LINGO2: variants seen among roughly 807,000 people sequenced by gnomAD.
LINGO2 encodes the protein leucine rich repeat and Ig domain containing 2.
In LINGO2, 14 loss-of-function variants were observed where a neutral mutation model predicts 30.6. The observed-to-expected ratio is 0.46, with a 90% CI of 0.30 to 0.72. The LOEUF is 0.72. Ranked by LOEUF, LINGO2 falls within the 30% of genes least tolerant of loss-of-function variation. The pLI, the probability that LINGO2 is intolerant of heterozygous loss-of-function variation, is 0.07. For missense variants in LINGO2, 729 were observed against 751.7 expected (o/e 0.97, Z 0.35); for synonymous variants, 317 against 288.5 (o/e 1.10, Z -1.00).
rs78910132 is a variant in LINGO2 at position 28,457,214 on chromosome 9, G to C, written c.-279+18726C>G. Among the ~76,000 whole-genome samples, 62 of 152,270 alleles carry C rather than the reference G, an allele frequency of 4.1e-4. No homozygotes were observed. In the East Asian group the frequency reaches 0.012, roughly 28 times the overall value. On this transcript the variant is annotated intron_variant, in intron 2 of 5. Transcript: ENST00000379992. ...ATGTTCATGAGCTCTGTGTATGACA[G>C]TCTTCTTGCATAAGCACAGAATCTT...
the LINGO2 span, among the ~76,000 whole-genome samples, chr9:28,838,440 C>T: frequency 1.0e-3 from 158 of 152,194 alleles, no homozygotes; most frequent in Non-Finnish European, 1.7e-3. Flanking sequence ...GAATATGTTA[C>T]GTATTGAATA....
chr9:28,754,657 G>A, the LINGO2 span, among the ~76,000 whole-genome samples: 1 of 149,818 alleles, frequency 6.7e-6, no homozygotes, highest in Admixed American at 6.7e-5. Flanking sequence ...TTGAGATGGA[G>A]TCTCGCTCTG....
chr9:28,525,311 C>T (rs1450911279), intron 1 of LINGO2, among the ~76,000 whole-genome samples: 1 of 152,050 alleles, frequency 6.6e-6, no homozygotes. Flanking sequence ...AAAATGTTAA[C>T]CATAAACCTA....
At chr9:28,754,823 G>A in the LINGO2 span, among the ~76,000 whole-genome samples, 2 of 151,794 alleles carry the variant, frequency 1.3e-5, no homozygotes, top group African/African-American at 2.4e-5. Context: ...AATAGAGACA[G>A]GGTTTCACAG....
At chr9:28,963,357 T>C in the LINGO2 span, among the ~76,000 whole-genome samples, 2 of 152,046 alleles carry the variant, frequency 1.3e-5, no homozygotes, top group Middle Eastern at 3.4e-3. Flanking sequence ...TAAGAAAAGA[T>C]AAGTTTCCTA....
At chr9:28,058,692 T>C (rs189421128) in intron 4 of LINGO2, among the ~76,000 whole-genome samples, 1 of 152,232 alleles carries the variant, frequency 6.6e-6, no homozygotes, top group African/African-American at 2.4e-5. Context: ...AAGGTAAATA[T>C]AGTAACAGTC....
At chr9:28,299,521 A>G (rs574689847) in intron 3 of LINGO2, among the ~76,000 whole-genome samples, 1 of 152,230 alleles carries the variant, frequency 6.6e-6, no homozygotes, top group East Asian at 1.9e-4. Flanking sequence ...GTCATTAACA[A>G]CTACCACTAA....
At chr9:28,897,651 C>A in the LINGO2 span, among the ~76,000 whole-genome samples, 1 of 151,988 alleles carries the variant, frequency 6.6e-6, no homozygotes, top group African/African-American at 2.4e-5. Context: ...ACCTTCTATG[C>A]CTAATTTCCT....
At chr9:28,011,148 A>C (rs1173008927) in intron 5 of LINGO2, among the ~76,000 whole-genome samples, 1 of 152,206 alleles carries the variant, frequency 6.6e-6, no homozygotes, top group African/African-American at 2.4e-5. Context: ...GTTCAAGAGA[A>C]TGAGAAAGTC....
the LINGO2 span, among the ~76,000 whole-genome samples, chr9:28,872,019 T>G: frequency 1.3e-5 from 2 of 152,024 alleles, no homozygotes; most frequent in Non-Finnish European, 2.9e-5. Context: ...TGTGTTGATT[T>G]CCTCTCAATT....
the LINGO2 span, among the ~76,000 whole-genome samples, chr9:28,941,687 T>C: frequency 6.6e-6 from 1 of 152,182 alleles, no homozygotes; most frequent in Non-Finnish European, 1.5e-5. Context: ...CCCATACCTT[T>C]TTAAAGTTGA....
At chr9:28,775,755 C>T in the LINGO2 span, among the ~76,000 whole-genome samples, 1 of 152,124 alleles carries the variant, frequency 6.6e-6, no homozygotes, top group Non-Finnish European at 1.5e-5. Flanking sequence ...AGTTTATTCT[C>T]CATGCAAAAC....
chr9:28,327,118 T>C (rs1825258079), intron 3 of LINGO2, among the ~76,000 whole-genome samples: 1 of 152,300 alleles, frequency 6.6e-6, no homozygotes. Flanking sequence ...TCTTCTGCTA[T>C]GTGAAGATGC....
the LINGO2 span, among the ~76,000 whole-genome samples, chr9:29,121,272 A>G: frequency 7.1e-4 from 108 of 152,302 alleles, no homozygotes; most frequent in African/African-American, 2.4e-3. Flanking sequence ...ATTTATAATC[A>G]GTAAGTTTGT....
At chr9:28,983,272 C>T in the LINGO2 span, among the ~76,000 whole-genome samples, 4 of 149,818 alleles carry the variant, frequency 2.7e-5, no homozygotes, top group Admixed American at 6.7e-5. Context: ...TACTACCTGG[C>T]CTTTTTCATA....
chr9:28,252,737 C>T (rs986708044), intron 4 of LINGO2, among the ~76,000 whole-genome samples: 2 of 151,908 alleles, frequency 1.3e-5, no homozygotes, highest in African/African-American at 4.8e-5. Context: ...TTCTTCAACT[C>T]TTACTTTATA....
chr9:28,368,359 G>C (rs1291175515), intron 3 of LINGO2, among the ~76,000 whole-genome samples: 1 of 152,058 alleles, frequency 6.6e-6, no homozygotes, highest in Non-Finnish European at 1.5e-5. Flanking sequence ...ACTTTTTGCT[G>C]GGAGAAAACA....
the LINGO2 span, among the ~76,000 whole-genome samples, chr9:28,834,493 G>A: frequency 6.6e-6 from 1 of 152,106 alleles, no homozygotes; most frequent in South Asian, 2.1e-4. Context: ...CTGACTTCGT[G>A]TTTGTAAATC....
At chr9:28,082,778 T>C (rs570865874) in intron 4 of LINGO2, among the ~76,000 whole-genome samples, 1 of 152,150 alleles carries the variant, frequency 6.6e-6, no homozygotes, top group Non-Finnish European at 1.5e-5. Flanking sequence ...TCCCTCTGCG[T>C]TTTTCTGACT....
Sources: gnomAD v4.1 joint callset for allele counts (sites outside exome capture counted in the v4.1 genomes callset) on GRCh38, gnomAD v4.1.1 for gene constraint, MANE v1.5 for transcripts, NCBI Gene and HGNC (gene_info 2026-07-23, HGNC 2026-07-21) for gene names.